MERTK: variants seen among roughly 807,000 people sequenced by gnomAD.
The protein encoded by MERTK is MER proto-oncogene, tyrosine kinase, also known as tyrosine-protein kinase Mer.
MERTK carries 69 observed loss-of-function variants against 99.3 expected under a neutral mutation model. The ratio of observed to expected loss-of-function variants is 0.70; its 90% CI spans 0.57 to 0.85. The LOEUF (loss-of-function observed/expected upper bound fraction) is 0.85. Ranked by LOEUF, MERTK falls within the 40% of genes least tolerant of loss-of-function variation. MERTK has a pLI of 0.00. For missense variants in MERTK, 1,125 were observed against 1,249.4 expected (o/e 0.90, Z 1.50); for synonymous variants, 426 against 467.6 (o/e 0.91, Z 1.15).
At position 111,955,826 on chromosome 2, in the gene MERTK, G is replaced by A. The variant is rs147023468; in HGVS notation, c.757+8259G>A. On this transcript the variant is annotated intron_variant, in intron 4 of 18. Coordinates refer to ENST00000295408, the MANE Select transcript of MERTK (RefSeq NM_006343.3). Reference sequence around the variant, plus strand: ...AAATCCCAAAATAAAGAGCAGAACTGCAAAGAGCTTTAGCTTCATGGTGTT... The same window carrying A: ...AAATCCCAAAATAAAGAGCAGAACTACAAAGAGCTTTAGCTTCATGGTGTT... Among the ~76,000 whole-genome samples, 1,120 of 152,212 alleles carry A rather than the reference G, an allele frequency of 7.4e-3. 13 individuals carry two copies. The highest frequency in any genetic ancestry group is 0.01 in the Middle Eastern group (3 of 294).
At chr2:112,010,698 ATAGCC>A (rs1677081373) in intron 15 of MERTK, among the ~76,000 whole-genome samples, 1 of 152,168 alleles carries the variant, frequency 6.6e-6, no homozygotes, top group South Asian at 2.1e-4. Flanking sequence ...TTAAGGAATC[ATAGCC>A]ACTGGGGACA....
chr2:112,028,696 C>G lies in MERTK; in HGVS notation c.2832C>G (p.Ala944=). The G allele has an allele frequency of 1.2e-6, 2 of 1,614,154 alleles. No individual in the cohort carries two copies. The highest frequency in any genetic ancestry group is 2.7e-5 in the African/African-American group (2 of 75,020). Residue 944 remains alanine, a synonymous_variant, in exon 19 of 19, where the codon GCC becomes GCG. Transcript: ENST00000295408. ...GSEEWEDLTS[A]PSAAVTAEKN... Reference sequence around the variant, plus strand: ...AGGAATGGGAAGATCTGACTTCTGCCCCCTCTGCTGCAGTCACAGCTGAAA... The same window carrying G: ...AGGAATGGGAAGATCTGACTTCTGCGCCCTCTGCTGCAGTCACAGCTGAAA...
At chr2:111,994,509 A>G in intron 9 of MERTK, 105 bp downstream of exon 9, 1 of 1,513,780 alleles carries the variant, frequency 6.6e-7, no homozygotes, top group Non-Finnish European at 9.2e-7. Flanking sequence ...AAGAATGAAA[A>G]ATAAGGCTGG....
At chr2:111,908,463 G>A (rs1380553879) in intron 1 of MERTK, among the ~76,000 whole-genome samples, 1 of 152,114 alleles carries the variant, frequency 6.6e-6, no homozygotes, top group Non-Finnish European at 1.5e-5. Context: ...CCTCTCTCCA[G>A]TGTCATCCCC....
intron 6 of MERTK, among the ~76,000 whole-genome samples, chr2:111,969,113 C>A (rs1676022258): frequency 6.6e-6 from 1 of 152,168 alleles, no homozygotes; most frequent in African/African-American, 2.4e-5. Context: ...ATAACTTGCC[C>A]ATGATGTAAG....
At chr2:112,011,592 A>C (rs1379976102) in intron 15 of MERTK, among the ~76,000 whole-genome samples, 1 of 152,074 alleles carries the variant, frequency 6.6e-6, no homozygotes, top group Non-Finnish European at 1.5e-5. Flanking sequence ...CTCATGAAAA[A>C]ATACAAAAAT....
intron 2 of MERTK, among the ~76,000 whole-genome samples, chr2:111,934,656 A>G (rs935721370): frequency 9.2e-5 from 14 of 152,106 alleles, no homozygotes; most frequent in African/African-American, 3.1e-4. Flanking sequence ...ATTTTCTCGC[A>G]TTCTGTAGGT....
rs529402660 is a variant in MERTK, at chr2:112,023,911, A to T, written c.2486+1517A>T. Among the ~76,000 whole-genome samples the T allele has an allele frequency of 2.6e-5, 4 of 152,176 alleles. No individual in the cohort carries two copies. In the South Asian group the frequency reaches 8.3e-4, roughly 32 times the overall value. ...CACACACACACACAGACACACACACACACGCCCTGCTGCCTCACATGGGAG... is the reference window on the plus strand; with the variant it reads ...CACACACACACACAGACACACACACTCACGCCCTGCTGCCTCACATGGGAG... On this transcript the variant is annotated intron_variant, in intron 18 of 18. Transcript: ENST00000295408.
chr2:112,028,335 T>TC lies in MERTK; in HGVS notation c.2487-15dup. The TC allele has an allele frequency of 6.2e-7, 1 of 1,613,842 alleles. No individual in the cohort carries two copies. On this transcript the variant is annotated splice_polypyrimidine_tract_variant and intron_variant, in intron 18 of 18. Transcript: ENST00000295408. ...GTGCCATGCTGGGAGACAATCCACT[T>TC]CTTTTTAACTTTCAGGTATGAAATA...
chr2:111,973,991 C>CAAAAAAAAAAAAAAAAAAAA (rs34537631), intron 6 of MERTK, among the ~76,000 whole-genome samples: 1 of 84,728 alleles, frequency 1.2e-5, no homozygotes, highest in Non-Finnish European at 2.1e-5. Context: ...ATCTCCTCAT[C>CAAAAAAAAAAAAAAAAAAAA]AAAAAAAAAA....
At chr2:111,997,259 CT>C (rs1432893167) in intron 9 of MERTK, 63 bp from the exon 10 acceptor site, 2 of 1,546,654 alleles carry the variant, frequency 1.3e-6, no homozygotes, top group Non-Finnish European at 1.8e-6. Flanking sequence ...TTGTTCTTCC[CT>C]GTTACAAGCC....
intron 2 of MERTK, among the ~76,000 whole-genome samples, chr2:111,934,239 G>A (rs1684725360): frequency 6.6e-6 from 1 of 152,166 alleles, no homozygotes; most frequent in Admixed American, 6.5e-5. Flanking sequence ...TATATACCCA[G>A]TAATGGGATT....
chr2:112,028,524 G>A lies in MERTK; in HGVS notation c.2660G>A (p.Gly887Asp). The part of the protein sequence containing the change: ...LLESSEGLAQ[G>D]STLAPLDLNI... ...GAGAGCTCTGAGGGCCTGGCCCAGG[G>A]CTCCACCCTTGCTCCACTGGACTTG... Residue 887 changes from glycine to aspartate, a missense_variant, in exon 19 of 19, where the codon GGC (glycine) becomes GAC (aspartate). Transcript: ENST00000295408. 6.2e-7 allele frequency: 1 copy of A among 1,614,176 alleles called. No individual in the cohort carries two copies. The highest frequency in any genetic ancestry group is 8.5e-7 in the Non-Finnish European group (1 of 1,180,032).
At chr2:111,977,141 A>G (rs1325992278) in intron 7 of MERTK, among the ~76,000 whole-genome samples, 1 of 152,128 alleles carries the variant, frequency 6.6e-6, no homozygotes, top group Non-Finnish European at 1.5e-5. Flanking sequence ...TTTATATTTT[A>G]TCTGACATCA....
At chr2:111,985,241 A>G (rs1676452067) in intron 8 of MERTK, among the ~76,000 whole-genome samples, 1 of 152,160 alleles carries the variant, frequency 6.6e-6, no homozygotes, top group East Asian at 1.9e-4. Flanking sequence ...GACCACTGCT[A>G]TGATGTGAAC....
intron 14 of MERTK, 49 bp downstream of exon 14, chr2:112,008,524 C>G (rs779526488): frequency 2.9e-6 from 4 of 1,376,710 alleles, no homozygotes; most frequent in South Asian, 2.3e-5. Flanking sequence ...CTCTGCTGAT[C>G]TGCTCTGTGC....
chr2:112,021,279 C>T, intron 16 of MERTK, 143 bp from the exon 17 acceptor site: 1 of 1,205,484 alleles, frequency 8.3e-7, no homozygotes, highest in Non-Finnish European at 1.2e-6. Flanking sequence ...GCCATTGGTC[C>T]CAATGCAGCA....
intron 13 of MERTK, among the ~76,000 whole-genome samples, chr2:112,005,842 A>G (rs1202277556): frequency 6.6e-6 from 1 of 152,176 alleles, no homozygotes; most frequent in Non-Finnish European, 1.5e-5. Context: ...GTTAGATTGT[A>G]AGCATGTACT....
At chr2:111,981,124 T>A (rs936245288) in intron 7 of MERTK, among the ~76,000 whole-genome samples, 13 of 152,214 alleles carry the variant, frequency 8.5e-5, no homozygotes, top group Non-Finnish European at 1.9e-4. Context: ...TGATTACTGT[T>A]TCTGGAATCA....
Sources: gnomAD v4.1 joint callset for allele counts (sites outside exome capture counted in the v4.1 genomes callset) on GRCh38, gnomAD v4.1.1 for gene constraint, MANE v1.5 for transcripts, NCBI Gene and HGNC (gene_info 2026-07-23, HGNC 2026-07-21) for gene names.